Variants in TSPAN14 observed in about 807,000 individuals in gnomAD.
The protein encoded by TSPAN14 is tetraspanin 14.
Under a neutral mutation model 36.6 loss-of-function variants are expected in TSPAN14, and 16 were observed. That is an observed-to-expected ratio of 0.44 (90% confidence interval 0.30 to 0.66). The LOEUF (loss-of-function observed/expected upper bound fraction) is 0.66. TSPAN14 is among the 30% of genes least tolerant of loss of function. The pLI is 0.12. For synonymous variants in TSPAN14, 139 were observed against 143.8 expected (o/e 0.97, Z 0.24); for missense variants, 231 against 355.1 (o/e 0.65, Z 2.81).
At chr10:80,502,336 G>C (rs1220399549) in intron 2 of TSPAN14, among the ~76,000 whole-genome samples, 1 of 152,216 alleles carries the variant, frequency 6.6e-6, no homozygotes, top group Admixed American at 6.5e-5. Flanking sequence ...GTCTGCGTGG[G>C]AAGTCACTGC....
At chr10:80,460,610 C>T (rs1297357674) in intron 1 of TSPAN14, among the ~76,000 whole-genome samples, 2 of 152,164 alleles carry the variant, frequency 1.3e-5, no homozygotes, top group Non-Finnish European at 2.9e-5. Flanking sequence ...ACAGGTTTCT[C>T]TCCTTGTAGG....
At chr10:80,475,836 C>T (rs559153914) in intron 1 of TSPAN14, among the ~76,000 whole-genome samples, 5 of 152,304 alleles carry the variant, frequency 3.3e-5, no homozygotes, top group African/African-American at 9.6e-5. Context: ...CCACCTGCCT[C>T]GGCCTCCCAG....
chr10:80,497,697 C>T (rs1262103051), intron 2 of TSPAN14, among the ~76,000 whole-genome samples: 1 of 152,196 alleles, frequency 6.6e-6, no homozygotes, highest in Non-Finnish European at 1.5e-5. Flanking sequence ...CCTTCATTTC[C>T]AGGGCCTTGA....
chr10:80,514,024 A>G, exon 7 of TSPAN14: 1 of 1,613,930 alleles, frequency 6.2e-7, no homozygotes, highest in South Asian at 1.1e-5. Context: ...TGCAGCAAAA[A>G]GTTGTGAACA....
exon 9 of TSPAN14, chr10:80,519,729 T>TAC (rs1841154840): frequency 6.6e-6 from 1 of 152,430 alleles, no homozygotes; most frequent in Admixed American, 6.6e-5. Flanking sequence ...ATAGGGTATG[T>TAC]AGACCTTACA....
At chr10:80,458,621 C>T (rs944520739) in intron 1 of TSPAN14, among the ~76,000 whole-genome samples, 1 of 152,136 alleles carries the variant, frequency 6.6e-6, no homozygotes, top group Non-Finnish European at 1.5e-5. Context: ...CAGGGAGCTG[C>T]GTAGAATGAA....
intron 1 of TSPAN14, among the ~76,000 whole-genome samples, chr10:80,465,260 C>T (rs577337472): frequency 6.6e-6 from 1 of 152,250 alleles, no homozygotes; most frequent in Non-Finnish European, 1.5e-5. Flanking sequence ...AGGCCCCCCA[C>T]TTGCTTTGTG....
At chr10:80,457,229 A>G (rs1325978166) in intron 1 of TSPAN14, among the ~76,000 whole-genome samples, 2 of 151,328 alleles carry the variant, frequency 1.3e-5, no homozygotes, top group East Asian at 2.0e-4. Context: ...TCTATTGCCC[A>G]GGCTGGAGTG....
rs1276346182 is a variant in TSPAN14 at position 80,509,328 on chromosome 10, T to G, written c.307T>G (p.Phe103Val). The G allele has an allele frequency of 3.1e-6, 5 of 1,614,118 alleles. No homozygotes were observed. Among genetic ancestry groups the G allele is most frequent in the Non-Finnish European group, 4.2e-6 (5 of 1,180,004 alleles). The change falls in exon 5 of 9, where the codon TTC (phenylalanine) becomes GTC (valine). Residue 103 changes from phenylalanine to valine, a missense_variant. Transcript: ENST00000429989. The surrounding 1 kb of genome is among the most constrained non-coding windows in gnomAD (Gnocchi z 4.7). The stretch of plus-strand genomic sequence containing the variant: ...CTGTGGCACCATCGTGCTCATCTTC[T>G]TCCTGGAGCTGGCTGTGGCCGTGCT...
At chr10:80,481,449 A>G (rs904631617) in intron 1 of TSPAN14, among the ~76,000 whole-genome samples, 2 of 152,196 alleles carry the variant, frequency 1.3e-5, no homozygotes, top group African/African-American at 2.4e-5. Flanking sequence ...AAATGAAATC[A>G]TGTGTTATGT....
chr10:80,462,251 T>C (rs1166531048), intron 1 of TSPAN14, among the ~76,000 whole-genome samples: 1 of 151,966 alleles, frequency 6.6e-6, no homozygotes, highest in Non-Finnish European at 1.5e-5. Flanking sequence ...CCATTCCCCC[T>C]CTCTGGCCTT....
chr10:80,513,947 A>G, intron 6 of TSPAN14, 72 bp from the exon 7 acceptor site: 1 of 1,345,784 alleles, frequency 7.4e-7, no homozygotes, highest in East Asian at 2.4e-5. Flanking sequence ...TTTGGTTGTG[A>G]CTTTACTAGA....
At chr10:80,491,994 CCT>C (rs1419341410) in intron 2 of TSPAN14, among the ~76,000 whole-genome samples, 1 of 152,120 alleles carries the variant, frequency 6.6e-6, no homozygotes, top group Non-Finnish European at 1.5e-5. Context: ...GGCGCACAGA[CCT>C]CTGGGAAGCT....
intron 5 of TSPAN14, among the ~76,000 whole-genome samples, chr10:80,511,628 A>G (rs1446532770): frequency 3.3e-5 from 5 of 151,950 alleles, no homozygotes; most frequent in African/African-American, 1.2e-4. Context: ...TGGGTTGGAC[A>G]GAGGAGGCAC....
chr10:80,497,760 C>T (rs1339506306), intron 2 of TSPAN14, among the ~76,000 whole-genome samples: 2 of 152,222 alleles, frequency 1.3e-5, no homozygotes, highest in Admixed American at 6.5e-5. Flanking sequence ...TCTGGCAACA[C>T]AGAGACAGCT....
chr10:80,504,205 A>G (rs760216067), intron 2 of TSPAN14, among the ~76,000 whole-genome samples: 4 of 152,198 alleles, frequency 2.6e-5, no homozygotes, highest in African/African-American at 7.2e-5. Context: ...GCCACTGGAT[A>G]GCTGCTTATC....
intron 4 of TSPAN14, among the ~76,000 whole-genome samples, chr10:80,508,112 T>C (rs1840392794): frequency 6.7e-6 from 1 of 148,324 alleles, no homozygotes; most frequent in African/African-American, 2.6e-5. Context: ...CCTTTTTCTT[T>C]TCTTTTCTTT....
At chr10:80,466,658 G>A (rs770393515) in intron 1 of TSPAN14, 2 of 152,218 alleles carry the variant, frequency 1.3e-5, no homozygotes, top group African/African-American at 2.4e-5. Flanking sequence ...TTGGTGGGGG[G>A]TGGGGTATGT....
intron 8 of TSPAN14, among the ~76,000 whole-genome samples, chr10:80,517,108 CA>C (rs1200790983): frequency 6.6e-6 from 1 of 152,162 alleles, no homozygotes; most frequent in Non-Finnish European, 1.5e-5. Flanking sequence ...TGGAAAATAA[CA>C]CCATTTAGAA....
Sources: allele counts gnomAD v4.1 joint callset (sites outside exome capture counted in the v4.1 genomes callset), GRCh38; gene constraint gnomAD v4.1.1; non-coding constraint Gnocchi (gnomAD v3.1); transcripts MANE v1.5; gene names NCBI Gene and HGNC (gene_info 2026-07-23, HGNC 2026-07-21).